CFAP161: variants seen among roughly 807,000 people sequenced by gnomAD.
The protein encoded by CFAP161 is cilia and flagella associated protein 161, also known as cilia- and flagella-associated protein 161.
Under a neutral mutation model 29.0 loss-of-function variants are expected in CFAP161, and 25 were observed. The ratio of observed to expected loss-of-function variants is 0.86; its 90% confidence interval spans 0.63 to 1.20. The LOEUF (loss-of-function observed/expected upper bound fraction) is 1.20. Among genes scored for constraint, CFAP161 ranks in the 50% most tolerant of loss-of-function variants. The probability of loss-of-function intolerance (pLI) is 0.00; values close to 1 mark genes in which losing one functional copy is unlikely to be tolerated. For missense variants in CFAP161, 367 were observed against 371.9 expected (o/e 0.99, Z 0.11); for synonymous variants, 116 against 137.4 (o/e 0.84, Z 1.09).
intron 1 of CFAP161, among the ~76,000 whole-genome samples, chr15:81,105,256 C>T (rs1184697701): frequency 8.9e-6 from 1 of 112,916 alleles, no homozygotes; most frequent in Admixed American, 9.1e-5. Context: ...CTCTCTCCTT[C>T]CTCTTTCTCT....
intron 1 of CFAP161, among the ~76,000 whole-genome samples, chr15:81,114,445 T>C (rs1595910014): frequency 1.3e-5 from 2 of 151,998 alleles, no homozygotes; most frequent in Admixed American, 1.3e-4. Context: ...CTGTTGAGGG[T>C]GGGGGTTGAT....
intron 1 of CFAP161, among the ~76,000 whole-genome samples, chr15:81,122,036 G>A (rs972470584): frequency 6.6e-6 from 1 of 152,188 alleles, no homozygotes; most frequent in Admixed American, 6.5e-5. Context: ...TCCCTGCAGA[G>A]GACATGATCT....
chr15:81,119,774 A>G (rs1894546940), intron 1 of CFAP161, among the ~76,000 whole-genome samples: 2 of 152,194 alleles, frequency 1.3e-5, no homozygotes, highest in African/African-American at 2.4e-5. Context: ...TCAAAACCCA[A>G]TCACAGGCCC....
chr15:81,142,580 C>G (rs1894929768), intron 4 of CFAP161, among the ~76,000 whole-genome samples: 1 of 152,192 alleles, frequency 6.6e-6, no homozygotes, highest in Non-Finnish European at 1.5e-5. Context: ...CTGGACCTCC[C>G]TAACCAGAAA....
At chr15:81,128,384 T>C (rs1053422228) in intron 2 of CFAP161, among the ~76,000 whole-genome samples, 1 of 152,226 alleles carries the variant, frequency 6.6e-6, no homozygotes, top group Non-Finnish European at 1.5e-5. Context: ...AAATCCTTTG[T>C]TGTCATTTCA....
chr15:81,136,235 C>T (rs1169951870), intron 2 of CFAP161, among the ~76,000 whole-genome samples: 1 of 151,912 alleles, frequency 6.6e-6, no homozygotes, highest in Admixed American at 6.6e-5. Context: ...GTAAAATGCC[C>T]CTTAGTTGGT....
chr15:81,109,367 G>C (rs1469628726), intron 1 of CFAP161, among the ~76,000 whole-genome samples: 1 of 152,192 alleles, frequency 6.6e-6, no homozygotes, highest in Non-Finnish European at 1.5e-5. Context: ...AAATGCTTCA[G>C]GATCTTAATC....
At chr15:81,132,579 A>G (rs1285184066), upstream of CFAP161, among the ~76,000 whole-genome samples, 1 of 152,216 alleles carries the variant, frequency 6.6e-6, no homozygotes, top group Admixed American at 6.5e-5. Flanking sequence ...CACTATGTAT[A>G]ATTGTATTAT....
chr15:81,138,928 C>T (rs1441148991), intron 4 of CFAP161, among the ~76,000 whole-genome samples: 1 of 152,170 alleles, frequency 6.6e-6, no homozygotes, highest in African/African-American at 2.4e-5. Context: ...TACTATATCA[C>T]ATTTTTTATT....
chr15:81,138,013 G>T (rs1311261440), intron 3 of CFAP161, 38 bp from the exon 4 acceptor site: 2 of 1,439,044 alleles, frequency 1.4e-6, no homozygotes, highest in Non-Finnish European at 1.9e-6. Flanking sequence ...CTAATACAGA[G>T]AGTTTACATT....
chr15:81,141,174 T>C (rs1894901469), intron 4 of CFAP161, among the ~76,000 whole-genome samples: 1 of 152,256 alleles, frequency 6.6e-6, no homozygotes, highest in Admixed American at 6.5e-5. Context: ...TCTTCTGAGA[T>C]GTCTCTCCAT....
At chr15:81,114,087 G>A (rs1449271214) in intron 1 of CFAP161, among the ~76,000 whole-genome samples, 1 of 152,098 alleles carries the variant, frequency 6.6e-6, no homozygotes, top group Non-Finnish European at 1.5e-5. Flanking sequence ...TAGCAAACAA[G>A]CAAACAAAAA....
chr15:81,111,788 A>G (rs1894442840), intron 1 of CFAP161, among the ~76,000 whole-genome samples: 1 of 152,094 alleles, frequency 6.6e-6, no homozygotes, highest in African/African-American at 2.4e-5. Flanking sequence ...TCCAAATCCT[A>G]TTCATCATTT....
intron 1 of CFAP161, among the ~76,000 whole-genome samples, chr15:81,124,750 G>A (rs1351866396): frequency 6.6e-6 from 1 of 152,080 alleles, no homozygotes; most frequent in African/African-American, 2.4e-5. Context: ...GGGTGTATGT[G>A]TCCAAGAATT....
At chr15:81,101,031 GT>G (rs1001118148) in intron 1 of CFAP161, among the ~76,000 whole-genome samples, 3 of 152,118 alleles carry the variant, frequency 2.0e-5, no homozygotes, top group African/African-American at 7.2e-5. Flanking sequence ...GCTTGGTTTT[GT>G]TTTTGATAAT....
chr15:81,122,668 T>A (rs557593536), intron 1 of CFAP161, among the ~76,000 whole-genome samples: 1 of 152,134 alleles, frequency 6.6e-6, no homozygotes, highest in African/African-American at 2.4e-5. Context: ...TTTTTTGTAT[T>A]TTTAATAGAG....
intron 1 of CFAP161, among the ~76,000 whole-genome samples, chr15:81,100,485 A>G (rs1384725245): frequency 2.0e-5 from 3 of 152,032 alleles, no homozygotes; most frequent in Admixed American, 1.3e-4. Flanking sequence ...TTGCTTTGCA[A>G]ACTTTCCCCC....
intron 1 of CFAP161, among the ~76,000 whole-genome samples, chr15:81,116,262 T>C (rs1315814089): frequency 1.3e-5 from 2 of 152,200 alleles, no homozygotes; most frequent in African/African-American, 2.4e-5. Context: ...CATTATGTTA[T>C]GGAGTCATTT....
At chr15:81,141,489 T>C (rs1222060110) in intron 4 of CFAP161, among the ~76,000 whole-genome samples, 1 of 152,218 alleles carries the variant, frequency 6.6e-6, no homozygotes, top group African/African-American at 2.4e-5. Context: ...TCATTTAATC[T>C]TCAAATGATG....
Sources: gnomAD v4.1 joint callset for allele counts (sites outside exome capture counted in the v4.1 genomes callset) on GRCh38, gnomAD v4.1.1 for gene constraint, MANE v1.5 for transcripts, NCBI Gene and HGNC (gene_info 2026-07-23, HGNC 2026-07-21) for gene names.